The following STK38L variants were observed in gnomAD, a reference collection of about 807,000 sequenced individuals.
The protein encoded by STK38L is serine/threonine-protein kinase 38-like.
In STK38L, 28 loss-of-function variants were observed where a neutral mutation model predicts 59.7. The observed-to-expected ratio is 0.47, with a 90% confidence interval of 0.35 to 0.64. The LOEUF (loss-of-function observed/expected upper bound fraction) is 0.64. Among genes scored for constraint, STK38L ranks in the 30% least tolerant of loss-of-function variants. The pLI, the probability that STK38L is intolerant of heterozygous loss-of-function variation, is 0.01. For missense variants in STK38L, 314 were observed against 555.8 expected (o/e 0.56, Z 4.37); for synonymous variants, 162 against 176.8 (o/e 0.92, Z 0.66).
chr12:27,317,437 GTATGAAA>G lies in STK38L; in HGVS notation c.941_947del (p.Tyr314CysfsTer2). ...ACTGGTGGTCTTTGGGAGTGATTAT[GTATGAAA>G]TGCTAATAGGTATGTTTTATCATTC... On this transcript the variant is annotated frameshift_variant, in exon 10 of 14. Coordinates refer to ENST00000389032, the MANE Select transcript of STK38L (RefSeq NM_015000.4). LOFTEE classifies it high-confidence loss of function. The G allele has an allele frequency of 6.2e-7, 1 of 1,608,084 alleles. No individual in the cohort carries two copies.
intron 3 of STK38L, among the ~76,000 whole-genome samples, chr12:27,303,113 G>A (rs532890452): frequency 3.8e-4 from 58 of 151,702 alleles, no homozygotes; most frequent in African/African-American, 1.4e-3. Flanking sequence ...ACGCTGACAA[G>A]TATGAATTTC....
chr12:27,245,837 C>T (rs150966490), intron 1 of STK38L: 4 of 152,172 alleles, frequency 2.6e-5, no homozygotes, highest in African/African-American at 4.8e-5. Flanking sequence ...TTGGTTTGAC[C>T]TCACTTAGCT....
chr12:27,257,290 GT>G (rs1191324318), intron 1 of STK38L, among the ~76,000 whole-genome samples: 13 of 152,204 alleles, frequency 8.5e-5, no homozygotes, highest in African/African-American at 3.1e-4. Flanking sequence ...CTGATGGAGA[GT>G]CTTTATAAGG....
intron 1 of STK38L, among the ~76,000 whole-genome samples, chr12:27,257,503 T>G (rs979209015): frequency 6.6e-6 from 1 of 152,206 alleles, no homozygotes; most frequent in Non-Finnish European, 1.5e-5. Context: ...TCCCAGAAAC[T>G]ATAACCTACT....
intron 1 of STK38L, among the ~76,000 whole-genome samples, chr12:27,257,020 C>T (rs1436906665): frequency 1.3e-5 from 2 of 152,170 alleles, no homozygotes; most frequent in Non-Finnish European, 1.5e-5. Context: ...TTACCTAGGT[C>T]GTTAGCTATG....
intron 3 of STK38L, among the ~76,000 whole-genome samples, chr12:27,307,125 G>GAAAAAGACATTTAA (rs1944336917): frequency 6.6e-6 from 1 of 151,856 alleles, no homozygotes; most frequent in Non-Finnish European, 1.5e-5. Context: ...ATCAGATGTG[G>GAAAAAGACATTTAA]AAAAAGACAT....
Position 27,308,887 on chromosome 12 carries a change from TGTAA to T in STK38L, c.310-226_310-223del, listed in dbSNP as rs1325993141. Among the ~76,000 whole-genome samples, 2 of 145,530 alleles carry T rather than the reference TGTAA, an allele frequency of 1.4e-5. No individual in the cohort carries two copies. Among genetic ancestry groups the T allele is most frequent in the African/African-American group, 5.0e-5 (2 of 40,120 alleles). On this transcript the variant is annotated intron_variant, in intron 4 of 13. Transcript: ENST00000389032. This position sits in a 1 kb window ranked among gnomAD's most constrained non-coding sequence, Gnocchi z 4.5. ...ATATATAAATATAAATATATATAAA[TGTAA>T]ATATATAAATATATATAAATATATA...
rs534311579 is a variant in STK38L, at chr12:27,314,582, T to C, written c.596T>C (p.Leu199Pro). 1 of 1,610,846 alleles carries C rather than the reference T, an allele frequency of 6.2e-7. No homozygotes were observed. Among genetic ancestry groups the C allele is most frequent in the Non-Finnish European group, 8.5e-7 (1 of 1,178,586 alleles). The change falls in exon 7 of 14, where the codon CTG becomes CCG. Residue 199 changes from leucine to proline, a missense_variant. Transcript: ENST00000389032. ...CAGTTCTACATTTCAGAGACTGTTC[T>C]GGCAATAGATGCGATCCACCAGTTG... ...ETQFYISETVLAIDAIHQLGF... is the reference protein window; with the variant it reads ...ETQFYISETVPAIDAIHQLGF...
rs964522631 is a variant in STK38L at position 27,308,237 on chromosome 12, G to C, written c.187-102G>C. 26 of 1,138,254 alleles carry C rather than the reference G, an allele frequency of 2.3e-5. No homozygotes were observed. The highest frequency in any genetic ancestry group is 3.1e-5 in the Non-Finnish European group (26 of 849,230). 70.5% of individuals were successfully genotyped at this position (1,138,254 alleles called of 1,614,324 possible). A position where few individuals can be genotyped will look rare whatever the true frequency, so the allele number is the denominator to read the frequency against. On this transcript the variant is annotated intron_variant, in intron 3 of 13. Coordinates refer to ENST00000389032, the MANE Select transcript of STK38L (RefSeq NM_015000.4). This position sits in a 1 kb window ranked among gnomAD's most constrained non-coding sequence, Gnocchi z 4.5. ...TAGCCTAATAGTATATTACATATTA[G>C]TGCTATCATTTATTTTTACGTGTAT...
At chr12:27,261,458 TCC>T (rs1943202638) in intron 1 of STK38L, among the ~76,000 whole-genome samples, 1 of 152,236 alleles carries the variant, frequency 6.6e-6, no homozygotes, top group Admixed American at 6.5e-5. Context: ...GGCATGGGTT[TCC>T]ACAGACCTGA....
chr12:27,280,028 A>G (rs1345466169), intron 1 of STK38L, among the ~76,000 whole-genome samples: 2 of 152,208 alleles, frequency 1.3e-5, no homozygotes, highest in Non-Finnish European at 2.9e-5. Flanking sequence ...GTAAAGATCA[A>G]AGAACAGCAT....
At chr12:27,298,103 C>T (rs1232491697) in intron 2 of STK38L, 6 of 378,206 alleles carry the variant, frequency 1.6e-5, no homozygotes, top group African/African-American at 1.2e-4. Context: ...CAAACCTTTT[C>T]CAAACATGAA....
At chr12:27,318,896 C>T (rs2136652555) in intron 11 of STK38L, among the ~76,000 whole-genome samples, 1 of 152,246 alleles carries the variant, frequency 6.6e-6, no homozygotes, top group African/African-American at 2.4e-5. Flanking sequence ...GAGGCTGAGG[C>T]AGGAGAATGA....
intron 5 of STK38L, among the ~76,000 whole-genome samples, chr12:27,311,024 C>T (rs1944442123): frequency 6.6e-6 from 1 of 152,218 alleles, no homozygotes; most frequent in African/African-American, 2.4e-5. Flanking sequence ...CTGATCTCCT[C>T]ACTGTTGTTC....
chr12:27,257,231 G>C (rs10506015), intron 1 of STK38L, among the ~76,000 whole-genome samples: 116,393 of 152,088 alleles, frequency 0.77, 44,800 homozygotes, highest in Non-Finnish European at 0.82. Context: ...GCCAGCCCAT[G>C]TAATCAAATG....
rs1251113269 is a variant in STK38L at position 27,319,369 on chromosome 12, T to C, written c.1121T>C (p.Val374Ala). Residue 374 changes from valine (V) to alanine (A), a missense_variant, in exon 12 of 14, where the codon GTA becomes GCA. Around this residue, in one of 3 missense-constraint regions of STK38L, gnomAD observed 94 missense variants for 142.2 expected, o/e 0.66. Coordinates refer to ENST00000389032, the MANE Select transcript of STK38L (RefSeq NM_015000.4). ...DSENRIGNSG[V>A]EEIKGHPFFE... ...GAAAACAGAATTGGAAATAGTGGAG[T>C]AGAAGAAATAAAAGGTCATCCCTTT... 4 of 1,613,166 alleles carry C rather than the reference T, an allele frequency of 2.5e-6. No homozygotes were observed. The highest frequency in any genetic ancestry group is 1.7e-5 in the Admixed American group (1 of 59,968).
intron 1 of STK38L, among the ~76,000 whole-genome samples, chr12:27,294,565 G>A (rs1943968150): frequency 6.6e-6 from 1 of 151,110 alleles, no homozygotes; most frequent in Non-Finnish European, 1.5e-5. Flanking sequence ...TTAACTTTGT[G>A]TAGTCTGGGT....
intron 1 of STK38L, among the ~76,000 whole-genome samples, chr12:27,257,331 A>G (rs1039248849): frequency 2.6e-5 from 4 of 152,202 alleles, no homozygotes; most frequent in Non-Finnish European, 5.9e-5. Flanking sequence ...CTCTGGGGAT[A>G]TGGTCAGTGT....
chr12:27,312,128 C>G (rs932065767), intron 5 of STK38L, among the ~76,000 whole-genome samples: 1 of 150,962 alleles, frequency 6.6e-6, no homozygotes, highest in Non-Finnish European at 1.5e-5. Context: ...ATCCACCTGC[C>G]CTGGCCTCCC....
Sources: allele counts gnomAD v4.1 joint callset (sites outside exome capture counted in the v4.1 genomes callset), GRCh38; gene constraint gnomAD v4.1.1; regional missense constraint gnomAD v4.1.1; non-coding constraint Gnocchi (gnomAD v3.1); transcripts MANE v1.5; gene names NCBI Gene and HGNC (gene_info 2026-07-23, HGNC 2026-07-21).